Variants in NTM observed in about 807,000 individuals in gnomAD.
NTM encodes the protein IgLON family member 2.
A neutral mutation model predicts 42.1 loss-of-function variants in NTM; 13 were observed. That is an observed-to-expected ratio of 0.31 (90% CI 0.20 to 0.49). NTM has a LOEUF of 0.49. NTM is among the 20% of genes least tolerant of loss of function. The pLI, the probability that NTM is intolerant of heterozygous loss-of-function variation, is 0.99. For synonymous variants in NTM, 187 were observed against 179.2 expected (o/e 1.04, Z -0.35); for missense variants, 373 against 452.8 (o/e 0.82, Z 1.60).
chr11:132,194,267 C>T (rs1050407610), intron 3 of NTM, among the ~76,000 whole-genome samples: 2 of 152,056 alleles, frequency 1.3e-5, no homozygotes, highest in African/African-American at 4.8e-5. Flanking sequence ...AGTTAATTTA[C>T]CATGATGAAG....
intron 1 of NTM, chr11:131,795,482 C>T (rs1016913938): frequency 2.7e-5 from 27 of 985,358 alleles, no homozygotes; most frequent in Non-Finnish European, 2.8e-5. Flanking sequence ...TACCTGGTTG[C>T]CTCCAAGCTG....
At chr11:132,070,831 C>T (rs549827096) in intron 2 of NTM, among the ~76,000 whole-genome samples, 1 of 141,540 alleles carries the variant, frequency 7.1e-6, no homozygotes, top group African/African-American at 2.6e-5. Flanking sequence ...CGTCACACAG[C>T]CAAGTTAACA....
intron 1 of NTM, among the ~76,000 whole-genome samples, chr11:131,836,640 G>C (rs1335377556): frequency 2.0e-5 from 3 of 152,096 alleles, no homozygotes; most frequent in Non-Finnish European, 4.4e-5. Context: ...TGAGTGGTTG[G>C]ACCTTTACTG....
chr11:131,829,200 T>C (rs2042503053), intron 1 of NTM, among the ~76,000 whole-genome samples: 2 of 152,162 alleles, frequency 1.3e-5, no homozygotes, highest in Admixed American at 6.5e-5. Flanking sequence ...ATTACAAATT[T>C]TGCTTTAGAT....
At chr11:131,734,864 A>C (rs2135520880) in intron 1 of NTM, among the ~76,000 whole-genome samples, 2 of 152,340 alleles carry the variant, frequency 1.3e-5, no homozygotes, top group South Asian at 4.1e-4. Flanking sequence ...ATTAAAATCC[A>C]GTAATAAGAA....
chr11:132,273,211 A>G (rs2139716397), intron 4 of NTM, among the ~76,000 whole-genome samples: 1 of 148,942 alleles, frequency 6.7e-6, no homozygotes, highest in Non-Finnish European at 1.5e-5. Flanking sequence ...ATATTAATCA[A>G]TTTCTGGATG....
chr11:132,315,880 A>T (rs2095415400), intron 7 of NTM, among the ~76,000 whole-genome samples: 1 of 152,134 alleles, frequency 6.6e-6, no homozygotes, highest in African/African-American at 2.4e-5. Flanking sequence ...TGAGTGATTG[A>T]TGTGTCTGGC....
Position 132,315,262 on chromosome 11 carries a change from C to T in NTM, c.934+559C>T, listed in dbSNP as rs2095397971. Among the ~76,000 whole-genome samples, 3 of 152,162 alleles carry T rather than the reference C, an allele frequency of 2.0e-5. No homozygotes were observed. In the South Asian group the frequency reaches 6.2e-4, roughly 32 times the overall value. On this transcript the variant is annotated intron_variant, in intron 7 of 8. Transcript: ENST00000683400. Reference sequence around the variant, plus strand: ...GGGACATGAAGAGCCCCACCTTCGTCACATATCTGGCTACTGTATTGATAT... The same window carrying T: ...GGGACATGAAGAGCCCCACCTTCGTTACATATCTGGCTACTGTATTGATAT...
chr11:131,630,549 C>T (rs1271137862), intron 1 of NTM, among the ~76,000 whole-genome samples: 1 of 152,234 alleles, frequency 6.6e-6, no homozygotes, highest in East Asian at 2.0e-4. Context: ...ATTTCCTCTT[C>T]CCTCTGCATT....
chr11:131,882,350 G>A, intron 1 of NTM, among the ~76,000 whole-genome samples: 1 of 152,198 alleles, frequency 6.6e-6, no homozygotes, highest in East Asian at 1.9e-4. Flanking sequence ...CATCTTCAAG[G>A]CAGGTTAGTC....
chr11:131,860,334 A>T (rs1227114546), intron 1 of NTM, among the ~76,000 whole-genome samples: 1 of 152,174 alleles, frequency 6.6e-6, no homozygotes, highest in Non-Finnish European at 1.5e-5. Flanking sequence ...ATAAGGGGTC[A>T]AGGCACAGGC....
At chr11:131,633,140 G>A (rs2134136690) in intron 1 of NTM, among the ~76,000 whole-genome samples, 1 of 152,178 alleles carries the variant, frequency 6.6e-6, no homozygotes, top group Middle Eastern at 3.4e-3. Flanking sequence ...CTTAATGACT[G>A]GGTTCTGATT....
intron 1 of NTM, among the ~76,000 whole-genome samples, chr11:131,466,352 A>G (rs1951892239): frequency 6.6e-6 from 1 of 151,670 alleles, no homozygotes; most frequent in Non-Finnish European, 1.5e-5. Context: ...AATCCTTACC[A>G]CAATCTTATT....
chr11:131,447,408 C>T (rs138980094), intron 1 of NTM, among the ~76,000 whole-genome samples: 65 of 152,300 alleles, frequency 4.3e-4, no homozygotes, highest in Middle Eastern at 3.4e-3. Context: ...TTGGTTGCCT[C>T]TTCAGAGGCT....
At chr11:132,265,673 C>T (rs1184214918) in intron 4 of NTM, among the ~76,000 whole-genome samples, 1 of 152,208 alleles carries the variant, frequency 6.6e-6, no homozygotes, top group Non-Finnish European at 1.5e-5. Flanking sequence ...GTAGGGAGCA[C>T]TGGCATGATC....
intron 2 of NTM, among the ~76,000 whole-genome samples, chr11:131,920,796 C>T (rs936185385): frequency 6.6e-6 from 1 of 152,084 alleles, no homozygotes; most frequent in Admixed American, 6.5e-5. Context: ...AACCAACAGA[C>T]TGATGGAAAA....
chr11:132,189,386 A>G (rs920248500), intron 3 of NTM, among the ~76,000 whole-genome samples: 5 of 152,178 alleles, frequency 3.3e-5, no homozygotes, highest in Admixed American at 3.3e-4. Flanking sequence ...ATTTATCTTC[A>G]GGAGCACAGA....
chr11:132,044,330 A>AT (rs2077680988), intron 2 of NTM, among the ~76,000 whole-genome samples: 1 of 152,178 alleles, frequency 6.6e-6, no homozygotes, highest in Non-Finnish European at 1.5e-5. Flanking sequence ...TTTCATGCAA[A>AT]TATAAGGCAT....
chr11:132,323,356 C>T (rs1410282857), intron 7 of NTM, among the ~76,000 whole-genome samples: 1 of 151,894 alleles, frequency 6.6e-6, no homozygotes. Flanking sequence ...CACCACTGAT[C>T]CCACAGAAAT....
Sources: gnomAD v4.1 joint callset for allele counts (sites outside exome capture counted in the v4.1 genomes callset) on GRCh38, gnomAD v4.1.1 for gene constraint, MANE v1.5 for transcripts, NCBI Gene and HGNC (gene_info 2026-07-23, HGNC 2026-07-21) for gene names.